TANC2: variants seen among roughly 807,000 people sequenced by gnomAD.
TANC2 encodes tetratricopeptide repeat, ankyrin repeat and coiled-coil containing 2.
In TANC2, 26 loss-of-function variants were observed where a neutral mutation model predicts 210.5. The ratio of observed to expected loss-of-function variants is 0.12; its 90% CI spans 0.09 to 0.17. The LOEUF (loss-of-function observed/expected upper bound fraction) is 0.17, where lower values mean the gene tolerates loss of function less well. Among genes scored for constraint, TANC2 ranks in the 10% least tolerant of loss-of-function variants. The pLI is 1.00. For missense variants in TANC2, 2,129 were observed against 2,608.9 expected (o/e 0.82, Z 4.01); for synonymous variants, 931 against 967.1 (o/e 0.96, Z 0.69).
At chr17:63,044,827 T>C (rs2035318066) in intron 2 of TANC2, among the ~76,000 whole-genome samples, 1 of 152,210 alleles carries the variant, frequency 6.6e-6, no homozygotes, top group African/African-American at 2.4e-5. Flanking sequence ...TATAGTGAGG[T>C]TGAACATCTT....
chr17:63,194,757 T>G (rs1389698235), intron 6 of TANC2, among the ~76,000 whole-genome samples: 1 of 152,288 alleles, frequency 6.6e-6, no homozygotes, highest in African/African-American at 2.4e-5. Flanking sequence ...TACTTAGAAG[T>G]GTATTACTCA....
At chr17:63,001,530 C>CTTTTTTTTTTTTTTTTT (rs534398376) in intron 1 of TANC2, among the ~76,000 whole-genome samples, 1 of 140,134 alleles carries the variant, frequency 7.1e-6, no homozygotes, top group Non-Finnish European at 1.5e-5. Context: ...CTTTTCTTTT[C>CTTTTTTTTTTTTTTTTT]TTTTTTTTTT....
At chr17:63,255,109 A>ATT (rs1293513621) in intron 8 of TANC2, among the ~76,000 whole-genome samples, 1 of 136,702 alleles carries the variant, frequency 7.3e-6, no homozygotes, top group Non-Finnish European at 1.5e-5. Flanking sequence ...ATTTATTTTT[A>ATT]TTTATTTATT....
intron 4 of TANC2, among the ~76,000 whole-genome samples, chr17:63,101,754 G>A (rs745761094): frequency 9.2e-5 from 14 of 152,190 alleles, no homozygotes; most frequent in Non-Finnish European, 1.8e-4. Context: ...CAATATGGAA[G>A]GGGATAGAAA....
exon 6 of TANC2, chr17:63,194,123 T>C: frequency 6.2e-7 from 1 of 1,612,926 alleles, no homozygotes; most frequent in Non-Finnish European, 8.5e-7. Flanking sequence ...AGCATGGAAG[T>C]ACAGGATGAA....
chr17:63,047,574 G>A (rs948610478), intron 2 of TANC2, among the ~76,000 whole-genome samples: 4 of 152,036 alleles, frequency 2.6e-5, no homozygotes, highest in Non-Finnish European at 4.4e-5. Context: ...TTCATGTTTC[G>A]ATACTTTGAG....
At chr17:63,355,439 T>A in intron 14 of TANC2, 49 bp downstream of exon 14, 1 of 1,478,138 alleles carries the variant, frequency 6.8e-7, no homozygotes, top group Non-Finnish European at 8.9e-7. Context: ...TTTCTGTTTA[T>A]TGCATGGAGT....
At chr17:63,064,400 A>G (rs2036118560) in intron 2 of TANC2, among the ~76,000 whole-genome samples, 1 of 152,198 alleles carries the variant, frequency 6.6e-6, no homozygotes, top group African/African-American at 2.4e-5. Flanking sequence ...TCAAAGCTGC[A>G]ATGAGCCATT....
At chr17:63,264,076 C>T (rs1367351259) in intron 8 of TANC2, among the ~76,000 whole-genome samples, 1 of 152,184 alleles carries the variant, frequency 6.6e-6, no homozygotes, top group Non-Finnish European at 1.5e-5. Context: ...CCAGATCTAC[C>T]TTATTCTATC....
At chr17:63,125,519 A>G (rs2145174499) in intron 4 of TANC2, among the ~76,000 whole-genome samples, 1 of 152,328 alleles carries the variant, frequency 6.6e-6, no homozygotes, top group Middle Eastern at 3.4e-3. Context: ...TTATATGACA[A>G]TATAAACATG....
At chr17:62,974,210 G>T (rs2031870612) in intron 1 of TANC2, among the ~76,000 whole-genome samples, 1 of 152,144 alleles carries the variant, frequency 6.6e-6, no homozygotes, top group Non-Finnish European at 1.5e-5. Flanking sequence ...TTATCTCACA[G>T]GCCCCTGTTG....
chr17:63,083,283 A>G (rs1490394497), intron 3 of TANC2, among the ~76,000 whole-genome samples: 3 of 152,230 alleles, frequency 2.0e-5, no homozygotes, highest in African/African-American at 7.2e-5. Context: ...GAGAACAGAC[A>G]GAGAAAAAAG....
exon 17 of TANC2, chr17:63,389,397 T>C (rs2047889797): frequency 6.2e-7 from 1 of 1,613,920 alleles, no homozygotes; most frequent in Non-Finnish European, 8.5e-7. Context: ...TTCAGTCCCA[T>C]CTTGGTTACA....
intron 1 of TANC2, among the ~76,000 whole-genome samples, chr17:63,007,370 T>C (rs908614574): frequency 1.3e-5 from 2 of 152,210 alleles, no homozygotes; most frequent in Non-Finnish European, 2.9e-5. Context: ...TTTTTGTTGG[T>C]GTTTGAATGG....
At chr17:63,149,813 G>T (rs997543106) in intron 4 of TANC2, 9 of 152,064 alleles carry the variant, frequency 5.9e-5, no homozygotes, top group African/African-American at 2.2e-4. Context: ...CATAGCAAAG[G>T]TGAGAGTTCT....
chr17:63,181,175 TA>T (rs2040773019), intron 5 of TANC2, among the ~76,000 whole-genome samples: 1 of 151,632 alleles, frequency 6.6e-6, no homozygotes, highest in African/African-American at 2.4e-5. Context: ...GGAGGGAGAA[TA>T]AATAAAGATA....
chr17:63,065,406 A>G (rs980514955), intron 2 of TANC2, among the ~76,000 whole-genome samples: 2 of 152,164 alleles, frequency 1.3e-5, no homozygotes, highest in African/African-American at 4.8e-5. Context: ...TACTGATTTA[A>G]TTTCCTTCAG....
intron 2 of TANC2, among the ~76,000 whole-genome samples, chr17:63,016,991 AG>A (rs1420186652): frequency 6.6e-6 from 1 of 152,120 alleles, no homozygotes; most frequent in Non-Finnish European, 1.5e-5. Context: ...CTCCCATAAT[AG>A]GGGTTGTCTT....
chr17:62,996,905 C>T (rs1213708629), intron 1 of TANC2, among the ~76,000 whole-genome samples: 2 of 148,788 alleles, frequency 1.3e-5, no homozygotes, highest in East Asian at 3.9e-4. Flanking sequence ...CCTCTGCCTC[C>T]CAGGTTCAAG....
Sources: allele counts gnomAD v4.1 joint callset (sites outside exome capture counted in the v4.1 genomes callset), GRCh38; gene constraint gnomAD v4.1.1; transcripts MANE v1.5; gene names NCBI Gene and HGNC (gene_info 2026-07-23, HGNC 2026-07-21).